LGSN: variants seen among roughly 807,000 people sequenced by gnomAD.
LGSN encodes the protein lengsin, lens protein with glutamine synthetase domain.
A neutral mutation model predicts 19.5 loss-of-function variants in LGSN; 21 were observed. The observed-to-expected ratio is 1.07, with a 90% confidence interval of 0.76 to 1.55. The LOEUF (loss-of-function observed/expected upper bound fraction) is 1.55. LGSN is among the 40% of genes most tolerant of loss of function. The pLI, the probability that LGSN is intolerant of heterozygous loss-of-function variation, is 0.00. For synonymous variants in LGSN, 257 were observed against 215.6 expected (o/e 1.19, Z -1.68); for missense variants, 673 against 608.5 (o/e 1.11, Z -1.12).
At position 63,280,227 on chromosome 6, in the gene LGSN, C is replaced by T; in HGVS notation, c.1324G>A (p.Asp442Asn). 6.2e-7 allele frequency: 1 copy of T among 1,614,236 alleles called. No individual in the cohort carries two copies. Among genetic ancestry groups the T allele is most frequent in the Non-Finnish European group, 8.5e-7 (1 of 1,180,044 alleles). Residue 442 changes from aspartate to asparagine, a missense_variant, in exon 4 of 4, where the codon GAT (aspartate) becomes AAT (asparagine). Physicochemically the swap from Asp to Asn is conservative, Grantham distance 23. Transcript: ENST00000370657. ...ACTTGGTAAAAGTCTGTGCTCTCAT[C>T]TGGACCAGCCAAGACCTCATTACTG... ...HSSNEVLAGPDESTDFYQVEP... is the reference protein window; with the variant it reads ...HSSNEVLAGPNESTDFYQVEP...
chr6:63,311,205 T>C (rs1768614243), intron 1 of LGSN, among the ~76,000 whole-genome samples: 1 of 152,154 alleles, frequency 6.6e-6, no homozygotes, highest in African/African-American at 2.4e-5. Flanking sequence ...CGGTTTAAAA[T>C]TTCCACTGAA....
chr6:63,375,368 C>T, the LGSN span, among the ~76,000 whole-genome samples: 1 of 151,276 alleles, frequency 6.6e-6, no homozygotes, highest in Admixed American at 6.6e-5. Flanking sequence ...TGCTTGACAA[C>T]AATTGTATAA....
At chr6:63,572,616 A>G in the LGSN span, 14 of 419,820 alleles carry the variant, frequency 3.3e-5, no homozygotes. Context: ...CGCCACGACC[A>G]CCGCCGCCTC....
At chr6:63,532,792 T>C in the LGSN span, among the ~76,000 whole-genome samples, 2 of 152,186 alleles carry the variant, frequency 1.3e-5, no homozygotes, top group African/African-American at 4.8e-5. Context: ...CCCAAAAGAT[T>C]GAATTCTATT....
chr6:63,536,511 T>C, the LGSN span, among the ~76,000 whole-genome samples: 1 of 152,210 alleles, frequency 6.6e-6, no homozygotes, highest in Non-Finnish European at 1.5e-5. Context: ...ACAGTGGTAT[T>C]CAAAAACATC....
intron 1 of LGSN, among the ~76,000 whole-genome samples, chr6:63,300,268 T>C (rs1768133561): frequency 6.6e-6 from 1 of 152,240 alleles, no homozygotes; most frequent in African/African-American, 2.4e-5. Flanking sequence ...AGATGGGCCC[T>C]GGCCTTCCTA....
the LGSN span, among the ~76,000 whole-genome samples, chr6:63,464,358 A>C: frequency 6.6e-6 from 1 of 152,076 alleles, no homozygotes; most frequent in African/African-American, 2.4e-5. Context: ...TCTGATTCTC[A>C]GTTGTTTGCT....
At chr6:63,495,531 G>A in the LGSN span, among the ~76,000 whole-genome samples, 215 of 141,260 alleles carry the variant, frequency 1.5e-3, no homozygotes, top group African/African-American at 5.1e-3. Flanking sequence ...AGATCTCAGC[G>A]CTCTGCCTCC....
chr6:63,526,775 C>A, the LGSN span, among the ~76,000 whole-genome samples: 9 of 130,748 alleles, frequency 6.9e-5, no homozygotes, highest in Non-Finnish European at 1.3e-4. Context: ...CTCCAACCTG[C>A]GACAGAGCAA....
chr6:63,557,426 G>A, the LGSN span, among the ~76,000 whole-genome samples: 1 of 151,958 alleles, frequency 6.6e-6, no homozygotes, highest in African/African-American at 2.4e-5. Flanking sequence ...ATTATCTGGT[G>A]TAGTGTGCGT....
the LGSN span, among the ~76,000 whole-genome samples, chr6:63,384,852 A>G: frequency 6.6e-6 from 1 of 152,206 alleles, no homozygotes; most frequent in African/African-American, 2.4e-5. Context: ...CTAAAATTAA[A>G]TGAGGTTTTA....
chr6:63,431,655 G>A, the LGSN span, among the ~76,000 whole-genome samples: 10 of 143,342 alleles, frequency 7.0e-5, no homozygotes, highest in African/African-American at 2.6e-4. Context: ...TTTTAAATTA[G>A]ATCATTTATG....
chr6:63,542,098 A>C, the LGSN span, among the ~76,000 whole-genome samples: 1 of 151,892 alleles, frequency 6.6e-6, no homozygotes, highest in Non-Finnish European at 1.5e-5. Context: ...AGCCATAAAA[A>C]GGAATAAATT....
the LGSN span, among the ~76,000 whole-genome samples, chr6:63,370,421 C>G: frequency 3.3e-5 from 5 of 152,220 alleles, no homozygotes. Context: ...ACAACCAGGG[C>G]AGTTACACGG....
chr6:63,352,259 CAT>C, the LGSN span, among the ~76,000 whole-genome samples: 6 of 152,220 alleles, frequency 3.9e-5, no homozygotes, highest in South Asian at 2.1e-4. Context: ...CCAAAACTCA[CAT>C]GTTAGTAGAG....
At chr6:63,308,878 G>T (rs1324178178) in intron 1 of LGSN, among the ~76,000 whole-genome samples, 1 of 152,114 alleles carries the variant, frequency 6.6e-6, no homozygotes, top group East Asian at 1.9e-4. Flanking sequence ...AAAAAAGAAA[G>T]AAAATGTGCT....
the LGSN span, among the ~76,000 whole-genome samples, chr6:63,415,326 A>T: frequency 1.3e-5 from 2 of 152,216 alleles, no homozygotes; most frequent in Non-Finnish European, 2.9e-5. Flanking sequence ...ATTTCAAAAA[A>T]TAAAAAATAA....
chr6:63,409,569 C>T, the LGSN span, among the ~76,000 whole-genome samples: 1 of 152,102 alleles, frequency 6.6e-6, no homozygotes, highest in Admixed American at 6.6e-5. Context: ...AATTTCAGCT[C>T]TGACAGTTAA....
the LGSN span, among the ~76,000 whole-genome samples, chr6:63,346,786 T>C: frequency 6.6e-6 from 1 of 151,986 alleles, no homozygotes; most frequent in Non-Finnish European, 1.5e-5. Context: ...CCTGGAACTT[T>C]CGAGCTCACC....
Sources: gnomAD v4.1 joint callset for allele counts (sites outside exome capture counted in the v4.1 genomes callset) on GRCh38, gnomAD v4.1.1 for gene constraint, MANE v1.5 for transcripts, NCBI Gene and HGNC (gene_info 2026-07-23, HGNC 2026-07-21) for gene names.